CACNA2D3: variants seen among roughly 807,000 people sequenced by gnomAD.
CACNA2D3 encodes the protein calcium voltage-gated channel auxiliary subunit alpha2delta 3.
A neutral mutation model predicts 160.6 loss-of-function variants in CACNA2D3; 60 were observed. The observed-to-expected ratio is 0.37, with a 90% CI of 0.30 to 0.46. The LOEUF (loss-of-function observed/expected upper bound fraction) is 0.46, where lower values mean the gene tolerates loss of function less well. Among genes scored for constraint, CACNA2D3 ranks in the 20% least tolerant of loss-of-function variants. CACNA2D3 has a pLI of 1.00. For missense variants in CACNA2D3, 1,205 were observed against 1,365.0 expected (o/e 0.88, Z 1.85); for synonymous variants, 558 against 492.9 (o/e 1.13, Z -1.75).
chr3:54,655,939 C>T (rs909948566), intron 11 of CACNA2D3, among the ~76,000 whole-genome samples: 13 of 152,192 alleles, frequency 8.5e-5, no homozygotes, highest in Admixed American at 8.5e-4. Context: ...CAAGTGATTT[C>T]CTCTCCTTGT....
intron 34 of CACNA2D3, among the ~76,000 whole-genome samples, chr3:55,017,767 G>A (rs575200852): frequency 9.2e-5 from 14 of 152,280 alleles, no homozygotes; most frequent in East Asian, 5.8e-4. Flanking sequence ...AAGACATTAC[G>A]TATTTTACTA....
chr3:54,804,084 C>T (rs1703057957), intron 13 of CACNA2D3, among the ~76,000 whole-genome samples: 1 of 151,954 alleles, frequency 6.6e-6, no homozygotes, highest in African/African-American at 2.4e-5. Context: ...ACAACTGGTA[C>T]CAGCCACTGC....
rs561526449 is a variant in CACNA2D3, at chr3:54,383,133, A to C, written c.322-3582A>C. Among the ~76,000 whole-genome samples the C allele has an allele frequency of 5.9e-5, 9 of 152,282 alleles. No individual in the cohort carries two copies. In the South Asian group the frequency reaches 1.9e-3, roughly 32 times the overall value. ...AAAGTGCTGGGATTATACCACACCC[A>C]GCCTGTTTTAGGTAAATCTATGGGA... is the stretch of plus-strand genomic sequence containing the variant. On this transcript the variant is annotated intron_variant, in intron 3 of 37. Transcript: ENST00000474759.
chr3:54,664,092 C>G (rs190027816), intron 11 of CACNA2D3, among the ~76,000 whole-genome samples: 1 of 152,224 alleles, frequency 6.6e-6, no homozygotes, highest in Non-Finnish European at 1.5e-5. Flanking sequence ...TGTGCTGAGC[C>G]GAATCGGCGA....
intron 11 of CACNA2D3, among the ~76,000 whole-genome samples, chr3:54,748,589 T>C (rs1701800419): frequency 2.0e-5 from 3 of 151,946 alleles, no homozygotes; most frequent in Admixed American, 6.5e-5. Context: ...TTTTCACCCC[T>C]GCCTTTGAGC....
chr3:54,911,349 G>GTTTTT (rs1700551309), intron 27 of CACNA2D3, among the ~76,000 whole-genome samples: 1 of 18,008 alleles, frequency 5.6e-5, no homozygotes, highest in African/African-American at 3.6e-4. Flanking sequence ...CTTCTTTGTC[G>GTTTTT]TCTTTTTTTT....
At chr3:54,785,003 G>A (rs75643703) in intron 13 of CACNA2D3, among the ~76,000 whole-genome samples, 1,861 of 152,248 alleles carry the variant, frequency 0.012, 23 homozygotes, top group Non-Finnish European at 0.018. Flanking sequence ...TGTGCATTAG[G>A]ATGGTGAGGT....
intron 4 of CACNA2D3, among the ~76,000 whole-genome samples, chr3:54,438,298 T>C (rs1320331173): frequency 6.6e-6 from 1 of 152,224 alleles, no homozygotes; most frequent in Non-Finnish European, 1.5e-5. Context: ...CATAGTGAAA[T>C]AATTTAGAAG....
intron 2 of CACNA2D3, among the ~76,000 whole-genome samples, chr3:54,256,466 G>T (rs368222966): frequency 6.6e-6 from 1 of 152,188 alleles, no homozygotes; most frequent in African/African-American, 2.4e-5. Context: ...TTCTCATGCC[G>T]TATAGGGGCT....
intron 8 of CACNA2D3, among the ~76,000 whole-genome samples, chr3:54,572,621 T>C (rs1472991128): frequency 6.6e-6 from 1 of 152,230 alleles, no homozygotes; most frequent in East Asian, 1.9e-4. Flanking sequence ...CTCAGCCATC[T>C]TATCATGAAA....
intron 3 of CACNA2D3, among the ~76,000 whole-genome samples, chr3:54,321,485 C>A (rs1356388024): frequency 6.6e-6 from 1 of 152,120 alleles, no homozygotes; most frequent in Non-Finnish European, 1.5e-5. Context: ...TGCAGTGAAT[C>A]TTCTTATATA....
intron 35 of CACNA2D3, among the ~76,000 whole-genome samples, chr3:55,052,473 G>A (rs1460535749): frequency 6.6e-6 from 1 of 151,130 alleles, no homozygotes; most frequent in African/African-American, 2.4e-5. Context: ...TATATATATA[G>A]TGTTGTTGTT....
intron 2 of CACNA2D3, among the ~76,000 whole-genome samples, chr3:54,141,003 C>T (rs939374676): frequency 6.6e-6 from 1 of 151,706 alleles, no homozygotes; most frequent in Non-Finnish European, 1.5e-5. Context: ...TCGTTGGCAC[C>T]TCTCTGTGGT....
At chr3:54,218,101 C>T (rs1378699913) in intron 2 of CACNA2D3, among the ~76,000 whole-genome samples, 1 of 151,982 alleles carries the variant, frequency 6.6e-6, no homozygotes, top group Non-Finnish European at 1.5e-5. Context: ...GGTTTGACTC[C>T]CCAAACTCCT....
At chr3:54,453,135 G>A (rs1180792880) in intron 4 of CACNA2D3, among the ~76,000 whole-genome samples, 1 of 152,022 alleles carries the variant, frequency 6.6e-6, no homozygotes, top group African/African-American at 2.4e-5. Flanking sequence ...GGGACCATAA[G>A]TATGCACCAC....
intron 13 of CACNA2D3, among the ~76,000 whole-genome samples, chr3:54,781,567 G>C (rs1702537572): frequency 6.6e-6 from 1 of 152,202 alleles, no homozygotes; most frequent in Non-Finnish European, 1.5e-5. Flanking sequence ...CCCTATGCTG[G>C]CCAATGGGAT....
chr3:54,697,003 G>A (rs897738499), intron 11 of CACNA2D3, among the ~76,000 whole-genome samples: 1 of 152,068 alleles, frequency 6.6e-6, no homozygotes, highest in Non-Finnish European at 1.5e-5. Flanking sequence ...TTGGCCAGAC[G>A]CTGTGACTCA....
chr3:54,809,849 G>A (rs371552934), intron 13 of CACNA2D3, among the ~76,000 whole-genome samples: 5 of 151,750 alleles, frequency 3.3e-5, no homozygotes, highest in African/African-American at 2.4e-5. Context: ...CCAGGCATAG[G>A]TATAGTCCCT....
intron 13 of CACNA2D3, among the ~76,000 whole-genome samples, chr3:54,770,075 C>T (rs1296014907): frequency 1.3e-5 from 2 of 152,140 alleles, no homozygotes; most frequent in Non-Finnish European, 1.5e-5. Context: ...GCCCATTTGC[C>T]CCGAAAATAC....
Sources: gnomAD v4.1 joint callset for allele counts (sites outside exome capture counted in the v4.1 genomes callset) on GRCh38, gnomAD v4.1.1 for gene constraint, MANE v1.5 for transcripts, NCBI Gene and HGNC (gene_info 2026-07-23, HGNC 2026-07-21) for gene names.